The following ATP13A3 variants were observed in gnomAD, a reference collection of about 807,000 sequenced individuals.
ATP13A3 encodes ATPase 13A3.
Under a neutral mutation model 158.1 loss-of-function variants are expected in ATP13A3, and 59 were observed. The observed-to-expected ratio is 0.37, with a 90% confidence interval of 0.30 to 0.46. The LOEUF (loss-of-function observed/expected upper bound fraction) is 0.46. ATP13A3 is among the 20% of genes least tolerant of loss of function. The pLI, the probability that ATP13A3 is intolerant of heterozygous loss-of-function variation, is 1.00. For missense variants in ATP13A3, 1,166 were observed against 1,525.2 expected (o/e 0.76, Z 3.92); for synonymous variants, 491 against 504.3 (o/e 0.97, Z 0.35).
intron 2 of ATP13A3, among the ~76,000 whole-genome samples, chr3:194,485,450 C>A (rs1720928844): frequency 6.6e-6 from 1 of 152,160 alleles, no homozygotes; most frequent in Non-Finnish European, 1.5e-5. Context: ...TGAGCTCTAA[C>A]CAAAGATAGA....
At chr3:194,476,979 T>G (rs1204153155) in intron 2 of ATP13A3, among the ~76,000 whole-genome samples, 3 of 152,170 alleles carry the variant, frequency 2.0e-5, no homozygotes, top group Non-Finnish European at 2.9e-5. Flanking sequence ...TGGCCCCGCC[T>G]AGTTGTCAAC....
upstream of ATP13A3, among the ~76,000 whole-genome samples, chr3:194,490,058 G>A (rs1721127635): frequency 1.3e-5 from 2 of 152,118 alleles, no homozygotes; most frequent in South Asian, 4.1e-4. This position sits in a 1 kb window ranked among gnomAD's most constrained non-coding sequence, Gnocchi z 4.4. Flanking sequence ...TACCAGTAAG[G>A]TCTGACGTCA....
rs763185689 is a variant in ATP13A3, at chr3:194,437,064, C to A, written c.2120+31G>T. 10 of 1,606,038 alleles carry A rather than the reference C, an allele frequency of 6.2e-6. No homozygotes were observed. In the African/African-American group the frequency reaches 1.3e-4, roughly 22 times the overall value. On this transcript the variant is annotated intron_variant, in intron 20 of 33. Transcript: ENST00000645319. ...CTAATATAACCATAAATGATGATGA[C>A]TGGGAAACTAGGAAAGCCGTTCAAC...
intron 31 of ATP13A3, among the ~76,000 whole-genome samples, chr3:194,418,043 G>A (rs1261647841): frequency 6.6e-6 from 1 of 151,492 alleles, no homozygotes; most frequent in African/African-American, 2.4e-5. Context: ...AAGAAGGAAT[G>A]AAGGAAGGAA....
chr3:194,416,731 G>A (rs186526170), intron 31 of ATP13A3, among the ~76,000 whole-genome samples: 1 of 152,150 alleles, frequency 6.6e-6, no homozygotes, highest in African/African-American at 2.4e-5. Context: ...AGTCAAGTAA[G>A]TAATTACAGC....
At position 194,447,890 on chromosome 3, in the gene ATP13A3, C is replaced by T; in HGVS notation, c.1270G>A (p.Gly424Arg). ...LLCLVAVAGI[G>R]FIYTIINSIL... The stretch of plus-strand genomic sequence containing the variant: ...CTATTAATAATAGTGTAGATAAACC[C>T]AATGCCAGCAACTGCCACAAGACAT... Residue 424 changes from glycine to arginine, a missense_variant, in exon 13 of 34, where the codon GGG becomes AGG. Physicochemically the swap from Gly to Arg is moderately radical, Grantham distance 125. Around this residue, in one of 3 missense-constraint regions of ATP13A3, gnomAD observed 997 missense variants for 1,341.2 expected, o/e 0.74. Coordinates refer to ENST00000645319, the MANE Select transcript of ATP13A3 (RefSeq NM_001367549.1). 1 of 1,611,814 alleles carries T rather than the reference C, an allele frequency of 6.2e-7. No homozygotes were observed. The highest frequency in any genetic ancestry group is 8.5e-7 in the Non-Finnish European group (1 of 1,178,314).
At position 194,494,186 on chromosome 3, in the gene ATP13A3, C is replaced by T; in HGVS notation, n.610G>A. 1 of 398,640 alleles carries T rather than the reference C, an allele frequency of 2.5e-6. No homozygotes were observed. The highest frequency in any genetic ancestry group is 4.4e-6 in the Non-Finnish European group (1 of 226,110). The allele number at this position is 398,640 out of a possible 1,614,324, so 24.7% of individuals were successfully genotyped here. On this transcript the variant is annotated non_coding_transcript_exon_variant, in exon 2 of 33. Transcript: ENST00000687055. This position sits in a 1 kb window ranked among gnomAD's most constrained non-coding sequence, Gnocchi z 4.2. ...CAAAACTCTGGATTATCTGTTTAAG[C>T]ACCCAGACTTCCACCTCCTCATGAG...
Position 194,441,410 on chromosome 3 carries a change from CTG to C in ATP13A3, c.1609_1610del (p.Gln537ValfsTer15). The C allele has an allele frequency of 6.2e-7, 1 of 1,613,612 alleles. No individual in the cohort carries two copies. Among genetic ancestry groups the C allele is most frequent in the Non-Finnish European group, 8.5e-7 (1 of 1,179,604 alleles). The part of the protein sequence containing the change: ...NVCNEMLVKS[Q>X]FVACMATCHS... The stretch of plus-strand genomic sequence containing the variant: ...GACAAGTAGCCATACAAGCAACAAA[CTG>C]GGATTTTACCAACATCTCATTGCAC... On this transcript the variant is annotated frameshift_variant, in exon 16 of 34. Coordinates refer to ENST00000645319, the MANE Select transcript of ATP13A3 (RefSeq NM_001367549.1). LOFTEE classifies it high-confidence loss of function.
At chr3:194,410,935 G>GGGGT (rs1491313952) in intron 33 of ATP13A3, among the ~76,000 whole-genome samples, 3 of 121,306 alleles carry the variant, frequency 2.5e-5, no homozygotes, top group African/African-American at 4.1e-5. Flanking sequence ...TTGGGGTGTT[G>GGGGT]GGGTGTGTGT....
At chr3:194,421,139 A>AG (rs1560074892) in intron 30 of ATP13A3, among the ~76,000 whole-genome samples, 1 of 38,098 alleles carries the variant, frequency 2.6e-5, no homozygotes. Context: ...TATATATAGT[A>AG]TATATATATA....
chr3:194,454,543 GGCA>G (rs1719058251), intron 8 of ATP13A3, 151 bp from the exon 9 acceptor site: 3 of 906,140 alleles, frequency 3.3e-6, no homozygotes, highest in Non-Finnish European at 4.9e-6. Flanking sequence ...TAAAAAGTAG[GGCA>G]GGCTGGGCGC....
intron 3 of ATP13A3, among the ~76,000 whole-genome samples, chr3:194,461,109 G>A (rs573385168): frequency 6.6e-6 from 1 of 151,910 alleles, no homozygotes; most frequent in South Asian, 2.1e-4. Context: ...TTCATATTTA[G>A]TACACTTCCC....
intron 6 of ATP13A3, among the ~76,000 whole-genome samples, 194 bp from the exon 7 acceptor site, chr3:194,457,368 A>C (rs538301507): frequency 3.3e-5 from 5 of 152,330 alleles, no homozygotes; most frequent in African/African-American, 1.2e-4. Context: ...GACAAATCTA[A>C]GTCTCAAACC....
At chr3:194,441,748 C>T (rs973923309) in intron 15 of ATP13A3, among the ~76,000 whole-genome samples, 8 of 151,996 alleles carry the variant, frequency 5.3e-5, no homozygotes, top group African/African-American at 1.4e-4. Flanking sequence ...CAAAGTCTGG[C>T]CCCATGCAAA....
chr3:194,431,363 T>A, intron 22 of ATP13A3, 137 bp from the exon 23 acceptor site: 1 of 1,115,680 alleles, frequency 9.0e-7, no homozygotes, highest in Non-Finnish European at 1.2e-6. Flanking sequence ...GGACATTTAT[T>A]CAAAGTAAAA....
At chr3:194,414,834 G>C (rs964506233) in intron 31 of ATP13A3, among the ~76,000 whole-genome samples, 1 of 152,092 alleles carries the variant, frequency 6.6e-6, no homozygotes, top group Non-Finnish European at 1.5e-5. Flanking sequence ...TAAATTGAGG[G>C]ATCTGTTGGG....
intron 15 of ATP13A3, among the ~76,000 whole-genome samples, chr3:194,444,270 A>C (rs9288745): frequency 0.19 from 29,433 of 152,208 alleles, 3,706 homozygotes; most frequent in East Asian, 0.5. Context: ...AAGAAGAAAA[A>C]ACAGAATTGT....
intron 2 of ATP13A3, among the ~76,000 whole-genome samples, chr3:194,472,754 C>T (rs1266209602): frequency 4.6e-5 from 7 of 152,200 alleles, no homozygotes; most frequent in Admixed American, 2.0e-4. Context: ...ACCTAGGCAT[C>T]CACCAACAGT....
At chr3:194,454,557 G>A (rs141244017) in intron 8 of ATP13A3, among the ~76,000 whole-genome samples, 165 bp from the exon 9 acceptor site, 43 of 152,318 alleles carry the variant, frequency 2.8e-4, no homozygotes, top group South Asian at 4.1e-4. Flanking sequence ...GGCTGGGCGC[G>A]GTGGCTCACG....
Sources: allele counts gnomAD v4.1 joint callset (sites outside exome capture counted in the v4.1 genomes callset), GRCh38; gene constraint gnomAD v4.1.1; regional missense constraint gnomAD v4.1.1; non-coding constraint Gnocchi (gnomAD v3.1); transcripts MANE v1.5; gene names NCBI Gene and HGNC (gene_info 2026-07-23, HGNC 2026-07-21).